KHDRBS2: variants seen among roughly 807,000 people sequenced by gnomAD.
The protein encoded by KHDRBS2 is KH RNA binding domain containing, signal transduction associated 2.
A neutral mutation model predicts 44.3 loss-of-function variants in KHDRBS2; 26 were observed. The ratio of observed to expected loss-of-function variants is 0.59; its 90% confidence interval spans 0.43 to 0.81. The LOEUF is 0.81. Ranked by LOEUF, KHDRBS2 falls within the 40% of genes least tolerant of loss-of-function variation. The probability of loss-of-function intolerance (pLI) is 0.00; values close to 1 mark genes in which losing one functional copy is unlikely to be tolerated. For synonymous variants in KHDRBS2, 194 were observed against 151.1 expected (o/e 1.28, Z -2.08); for missense variants, 476 against 433.1 (o/e 1.10, Z -0.88).
At chr6:61,968,383 A>G (rs1031566345) in intron 4 of KHDRBS2, among the ~76,000 whole-genome samples, 1 of 152,022 alleles carries the variant, frequency 6.6e-6, no homozygotes, top group African/African-American at 2.4e-5. Flanking sequence ...CTCCTTGCCT[A>G]TGTTTAAAAC....
the KHDRBS2 span, among the ~76,000 whole-genome samples, chr6:61,614,346 G>C: frequency 6.6e-5 from 10 of 152,150 alleles, no homozygotes; most frequent in Non-Finnish European, 4.4e-5. Context: ...CTGCCATGAT[G>C]ATTATCAGAA....
intron 2 of KHDRBS2, among the ~76,000 whole-genome samples, chr6:62,108,311 A>G (rs1048363901): frequency 6.6e-5 from 10 of 152,238 alleles, no homozygotes; most frequent in African/African-American, 2.2e-4. Context: ...TCTCAAAAGA[A>G]GACATTTATG....
At chr6:62,271,172 T>C (rs1466777746) in intron 1 of KHDRBS2, among the ~76,000 whole-genome samples, 1 of 152,160 alleles carries the variant, frequency 6.6e-6, no homozygotes, top group African/African-American at 2.4e-5. Flanking sequence ...AATAAATATG[T>C]ATGTGTATGT....
At chr6:61,889,701 A>G (rs1433823770) in intron 6 of KHDRBS2, among the ~76,000 whole-genome samples, 1 of 152,078 alleles carries the variant, frequency 6.6e-6, no homozygotes, top group Admixed American at 6.6e-5. Flanking sequence ...GGCAGATTAA[A>G]CCTTTCAAAA....
the KHDRBS2 span, among the ~76,000 whole-genome samples, chr6:61,673,508 T>C: frequency 2.0e-5 from 3 of 149,066 alleles, no homozygotes; most frequent in Non-Finnish European, 4.5e-5. Context: ...ACGACATGAT[T>C]GTATATCTAG....
the KHDRBS2 span, among the ~76,000 whole-genome samples, chr6:61,583,063 T>C: frequency 6.6e-6 from 1 of 151,812 alleles, no homozygotes; most frequent in African/African-American, 2.4e-5. Context: ...TCAGTCTCTT[T>C]CACTCTCATA....
chr6:61,709,519 G>T (rs1165754592), intron 7 of KHDRBS2, among the ~76,000 whole-genome samples: 1 of 151,510 alleles, frequency 6.6e-6, no homozygotes, highest in Non-Finnish European at 1.5e-5. Context: ...ATAACAATGT[G>T]CATACAATTC....
At chr6:62,203,262 T>C (rs1023885558) in intron 1 of KHDRBS2, among the ~76,000 whole-genome samples, 2 of 152,046 alleles carry the variant, frequency 1.3e-5, no homozygotes, top group African/African-American at 4.8e-5. Context: ...CATATTTACC[T>C]AGAAAAACTG....
chr6:61,598,837 C>CTTTT, the KHDRBS2 span, among the ~76,000 whole-genome samples: 76 of 65,454 alleles, frequency 1.2e-3, no homozygotes, highest in Non-Finnish European at 1.8e-3. Context: ...TTTTTCTTTT[C>CTTTT]TTTTTTTTTT....
chr6:62,212,040 G>A (rs1392824281), intron 1 of KHDRBS2, among the ~76,000 whole-genome samples: 1 of 152,088 alleles, frequency 6.6e-6, no homozygotes, highest in Non-Finnish European at 1.5e-5. Flanking sequence ...ATTATCCTTA[G>A]CAAACTAATG....
intron 6 of KHDRBS2, among the ~76,000 whole-genome samples, chr6:61,861,134 T>A (rs544246890): frequency 6.6e-6 from 1 of 152,288 alleles, no homozygotes; most frequent in South Asian, 2.1e-4. Context: ...GATGCATAGA[T>A]TGCAAAATTT....
chr6:61,854,526 C>G (rs572800315), intron 6 of KHDRBS2, among the ~76,000 whole-genome samples: 2 of 152,228 alleles, frequency 1.3e-5, no homozygotes, highest in African/African-American at 4.8e-5. Flanking sequence ...TAAAAAAGCA[C>G]AGTTTGAGCA....
At chr6:61,788,424 G>A (rs140114727) in intron 6 of KHDRBS2, among the ~76,000 whole-genome samples, 1 of 151,466 alleles carries the variant, frequency 6.6e-6, no homozygotes, top group Admixed American at 6.6e-5. Context: ...TCCAGCTGGG[G>A]TTCTAATGTT....
At chr6:62,014,975 A>G (rs2127273699) in intron 3 of KHDRBS2, among the ~76,000 whole-genome samples, 1 of 152,274 alleles carries the variant, frequency 6.6e-6, no homozygotes, top group African/African-American at 2.4e-5. Context: ...GGATTTTTTT[A>G]CCTTGGCAAA....
chr6:62,099,554 T>C (rs1389757408), intron 2 of KHDRBS2, among the ~76,000 whole-genome samples: 2 of 152,192 alleles, frequency 1.3e-5, no homozygotes, highest in African/African-American at 4.8e-5. Flanking sequence ...AGATGCCCTG[T>C]CCATGATAAC....
intron 4 of KHDRBS2, among the ~76,000 whole-genome samples, chr6:61,947,911 CAAAATAATAATAATA>C (rs1456391959): frequency 2.4e-5 from 2 of 83,686 alleles, no homozygotes; most frequent in Admixed American, 3.1e-4. Flanking sequence ...CACACACACA[CAAAATAATAATAATA>C]ATAATAATAA....
chr6:61,576,206 C>CT, the KHDRBS2 span, among the ~76,000 whole-genome samples: 3 of 152,082 alleles, frequency 2.0e-5, no homozygotes, highest in East Asian at 5.8e-4. Context: ...TTGATTCTTC[C>CT]AATCTATGAG....
intron 2 of KHDRBS2, among the ~76,000 whole-genome samples, chr6:62,174,449 T>A (rs1016573612): frequency 1.3e-5 from 2 of 151,656 alleles, no homozygotes; most frequent in Non-Finnish European, 3.0e-5. Context: ...ATATGACATA[T>A]TTCCCCAAGT....
At chr6:62,109,742 G>C (rs1377358143) in intron 2 of KHDRBS2, among the ~76,000 whole-genome samples, 1 of 151,146 alleles carries the variant, frequency 6.6e-6, no homozygotes, top group Non-Finnish European at 1.5e-5. Flanking sequence ...GCAAAAGAGG[G>C]AGAAGAAGAA....
Sources: gnomAD v4.1 joint callset for allele counts (sites outside exome capture counted in the v4.1 genomes callset) on GRCh38, gnomAD v4.1.1 for gene constraint, MANE v1.5 for transcripts, NCBI Gene and HGNC (gene_info 2026-07-23, HGNC 2026-07-21) for gene names.